The following SORCS1 variants were observed in gnomAD, a reference collection of about 807,000 sequenced individuals.
SORCS1 encodes the protein VPS10 domain-containing receptor SorCS1.
A neutral mutation model predicts 146.1 loss-of-function variants in SORCS1; 60 were observed. The observed-to-expected ratio is 0.41, with a 90% CI of 0.33 to 0.51. The LOEUF (loss-of-function observed/expected upper bound fraction) is 0.51. SORCS1 is among the 20% of genes least tolerant of loss of function. The pLI, the probability that SORCS1 is intolerant of heterozygous loss-of-function variation, is 0.21. For synonymous variants in SORCS1, 637 were observed against 584.0 expected (o/e 1.09, Z -1.31); for missense variants, 1,352 against 1,487.6 (o/e 0.91, Z 1.50).
At chr10:106,808,994 C>T (rs1378138786) in intron 3 of SORCS1, among the ~76,000 whole-genome samples, 1 of 152,208 alleles carries the variant, frequency 6.6e-6, no homozygotes, top group Middle Eastern at 3.4e-3. Context: ...TATAAGCCTG[C>T]AGGAATCTGG....
intron 2 of SORCS1, among the ~76,000 whole-genome samples, chr10:106,857,204 G>A (rs186695333): frequency 6.6e-6 from 1 of 152,130 alleles, no homozygotes; most frequent in Admixed American, 6.5e-5. Flanking sequence ...ATGCCTAATG[G>A]GCACGTACTG....
chr10:106,643,497 C>T (rs549683365), intron 18 of SORCS1, among the ~76,000 whole-genome samples: 2 of 152,372 alleles, frequency 1.3e-5, no homozygotes, highest in South Asian at 4.1e-4. Flanking sequence ...CTCACAATCA[C>T]ATGTGAGGTC....
At chr10:106,877,646 C>T (rs964438818) in intron 2 of SORCS1, among the ~76,000 whole-genome samples, 2 of 152,046 alleles carry the variant, frequency 1.3e-5, no homozygotes, top group African/African-American at 4.8e-5. Context: ...TTGTGGGATT[C>T]GAATTCTAGA....
intron 7 of SORCS1, 66 bp from the exon 8 acceptor site, chr10:106,706,700 T>C (rs2135810650): frequency 6.9e-7 from 1 of 1,443,822 alleles, no homozygotes. Context: ...CACAGAACAG[T>C]CACCTGAATG....
At chr10:107,014,733 A>T (rs1957827238) in intron 1 of SORCS1, among the ~76,000 whole-genome samples, 1 of 152,210 alleles carries the variant, frequency 6.6e-6, no homozygotes, top group Non-Finnish European at 1.5e-5. Flanking sequence ...TCTGATGGAC[A>T]TTCACGTTTG....
chr10:106,706,281 A>G (rs754999899), intron 8 of SORCS1, among the ~76,000 whole-genome samples: 2 of 151,608 alleles, frequency 1.3e-5, no homozygotes, highest in South Asian at 2.1e-4. Flanking sequence ...AGAAAGTAAG[A>G]TGAAGGAGAA....
chr10:106,709,509 T>C (rs950449436), intron 6 of SORCS1, among the ~76,000 whole-genome samples, 168 bp from the exon 7 acceptor site: 1 of 142,632 alleles, frequency 7.0e-6, no homozygotes, highest in Non-Finnish European at 1.5e-5. Flanking sequence ...AGTGCAGTGG[T>C]GCGATCTCGG....
At chr10:106,996,225 TAAAAAAAAAAA>T (rs376245294) in intron 1 of SORCS1, among the ~76,000 whole-genome samples, 1 of 99,660 alleles carries the variant, frequency 1.0e-5, no homozygotes, top group Non-Finnish European at 2.0e-5. Flanking sequence ...AGACTCCATC[TAAAAAAAAAAA>T]AAAAAAAAAA....
intron 2 of SORCS1, among the ~76,000 whole-genome samples, chr10:106,952,548 T>C (rs983776091): frequency 8.1e-6 from 1 of 124,194 alleles, no homozygotes; most frequent in African/African-American, 4.3e-5. Context: ...CATTATATAT[T>C]ATATTATATT....
At chr10:106,699,971 A>C (rs539348958) in intron 8 of SORCS1, among the ~76,000 whole-genome samples, 1 of 152,344 alleles carries the variant, frequency 6.6e-6, no homozygotes. Flanking sequence ...CCAAAGGTTC[A>C]GCAACCCCTA....
rs538938226 is a variant in SORCS1, at chr10:106,988,724, C to G, written c.559-32144G>C. ...TAGCACTATAAATGGTTGCAATGCT[C>G]TACAATAAATAAAAAATCAGGTCTC... On this transcript the variant is annotated intron_variant, in intron 1 of 25. Transcript: ENST00000263054. Among the ~76,000 whole-genome samples the G allele has an allele frequency of 9.2e-4, 140 of 152,066 alleles. 1 individual carries two copies. Among genetic ancestry groups the G allele is most frequent in the Non-Finnish European group, 1.4e-3 (93 of 67,990 alleles).
In SORCS1 at chr10:106,956,517, A is replaced by G; in HGVS notation, c.622T>C (p.Trp208Arg). The change falls in exon 2 of 26, where the codon TGG becomes CGG. Residue 208 changes from tryptophan (W) to arginine (R), a missense_variant. Physicochemically the swap from Trp to Arg is moderately radical, Grantham distance 101. Coordinates refer to ENST00000263054, the MANE Select transcript of SORCS1 (RefSeq NM_052918.5). ...TAGCTCCATTTATCTACATACCTCC[A>G]AAGCGAGCTCTCTGTGATGCTCCCC... ...NLGSITESSLWRSTDYGTTYE... is the reference protein window; with the variant it reads ...NLGSITESSLRRSTDYGTTYE... 1 of 1,614,046 alleles carries G rather than the reference A, an allele frequency of 6.2e-7. No homozygotes were observed. The highest frequency in any genetic ancestry group is 8.5e-7 in the Non-Finnish European group (1 of 1,179,930).
chr10:107,076,052 T>C (rs1163989465), intron 1 of SORCS1, among the ~76,000 whole-genome samples: 1 of 152,138 alleles, frequency 6.6e-6, no homozygotes. Flanking sequence ...TTCTGTACAG[T>C]GCTTGAAATT....
intron 23 of SORCS1, among the ~76,000 whole-genome samples, chr10:106,604,111 T>C (rs1846416708): frequency 6.6e-6 from 1 of 152,176 alleles, no homozygotes; most frequent in Non-Finnish European, 1.5e-5. Flanking sequence ...CTTTCCTATG[T>C]GTTGGCTTCA....
At chr10:106,778,454 G>A (rs377212859) in intron 3 of SORCS1, among the ~76,000 whole-genome samples, 24 of 152,080 alleles carry the variant, frequency 1.6e-4, no homozygotes, top group Middle Eastern at 3.4e-3. Context: ...TCAGATGGCC[G>A]ACAAGGAGCC....
chr10:106,786,952 C>A (rs1351903974), intron 3 of SORCS1, among the ~76,000 whole-genome samples: 1 of 151,960 alleles, frequency 6.6e-6, no homozygotes, highest in Non-Finnish European at 1.5e-5. Context: ...TATTGAAGAC[C>A]AAGTGAATTG....
At chr10:106,794,676 G>A (rs375858399) in intron 3 of SORCS1, among the ~76,000 whole-genome samples, 1 of 151,560 alleles carries the variant, frequency 6.6e-6, no homozygotes, top group African/African-American at 2.4e-5. Context: ...CTAATTTTTC[G>A]TGTTTTTTAG....
chr10:106,713,066 G>A (rs1855110360), intron 6 of SORCS1, among the ~76,000 whole-genome samples: 1 of 152,204 alleles, frequency 6.6e-6, no homozygotes. Context: ...AGATACAGCA[G>A]AAGATCTTCT....
intron 2 of SORCS1, among the ~76,000 whole-genome samples, chr10:106,865,062 G>T (rs1039339502): frequency 6.6e-6 from 1 of 152,004 alleles, no homozygotes; most frequent in Non-Finnish European, 1.5e-5. Context: ...CTGCCCTTTG[G>T]GCTTTGGAGA....
Sources: allele counts gnomAD v4.1 joint callset (sites outside exome capture counted in the v4.1 genomes callset), GRCh38; gene constraint gnomAD v4.1.1; transcripts MANE v1.5; gene names NCBI Gene and HGNC (gene_info 2026-07-23, HGNC 2026-07-21).